The following DKK3 variants were observed in gnomAD, a reference collection of about 807,000 sequenced individuals.
DKK3 encodes dickkopf Wnt signaling pathway inhibitor 3.
A neutral mutation model predicts 33.2 loss-of-function variants in DKK3; 22 were observed. That is an observed-to-expected ratio of 0.66 (90% CI 0.47 to 0.95). The LOEUF (loss-of-function observed/expected upper bound fraction) is 0.95. Among genes scored for constraint, DKK3 ranks in the 40% least tolerant of loss-of-function variants. DKK3 has a pLI of 0.00. For missense variants in DKK3, 398 were observed against 458.4 expected, an observed-to-expected ratio of 0.87 and a Z score of 1.20; for synonymous variants, 194 against 188.8, an observed-to-expected ratio of 1.03 and a Z score of -0.23.
chr11:11,966,468 C>A (rs1048839972), intron 5 of DKK3, among the ~76,000 whole-genome samples: 12 of 152,104 alleles, frequency 7.9e-5, no homozygotes, highest in Non-Finnish European at 5.9e-5. Flanking sequence ...CAAAAAGCAG[C>A]CCTTTAGGAA....
upstream of DKK3, chr11:12,008,969 C>T (rs1226639408): frequency 5.0e-6 from 5 of 1,006,090 alleles, no homozygotes; most frequent in East Asian, 2.0e-4. The surrounding 1 kb of genome is among the most constrained non-coding windows in gnomAD (Gnocchi z 4.6). Context: ...CGGTTCAAAC[C>T]CTAGCCCCTC....
rs1044196636 is a variant in DKK3 at position 12,002,232 on chromosome 11, C to T, written c.351+68G>A. Reference sequence around the variant, plus strand: ...TATATCACATATGAAAAAACAAAAACAAAAAAACCTTAGTTCTCTGATGGG... The same window carrying T: ...TATATCACATATGAAAAAACAAAAATAAAAAAACCTTAGTTCTCTGATGGG... On this transcript the variant is annotated intron_variant, in intron 2 of 6. Transcript: ENST00000683431. 5.2e-5 allele frequency: 77 copies of T among 1,488,680 alleles called. No homozygotes were observed. In the African/African-American group the frequency reaches 9.0e-4, roughly 17 times the overall value. 92.2% of individuals were successfully genotyped at this position (1,488,680 alleles called of 1,614,324 possible).
chr11:11,996,820 G>A (rs1224995584), intron 3 of DKK3, among the ~76,000 whole-genome samples: 1 of 152,224 alleles, frequency 6.6e-6, no homozygotes, highest in Non-Finnish European at 1.5e-5. Flanking sequence ...GCCAAGGTGT[G>A]TCCTCCATCA....
rs114873269 is a variant in DKK3 at position 11,964,597 on chromosome 11, T to C, written c.920A>G (p.Glu307Gly). The change falls in exon 7 of 7, where the codon GAG becomes GGG. Residue 307 changes from glutamate (E) to glycine (G), a missense_variant. Transcript: ENST00000683431. ...CTCCATGAAGCTGCCAACTTCATAC[T>C]CATCGGGGACCTCTCTGGGCAGCAG... ...EILLPREVPD[E>G]YEVGSFMEEV... 11,993 of 1,614,160 alleles carry C rather than the reference T, an allele frequency of 7.4e-3. 175 individuals are homozygous for C. Among genetic ancestry groups the C allele is most frequent in the African/African-American group, 0.056 (4,172 of 75,032 alleles).
chr11:12,009,301 T>C, upstream of DKK3: 1 of 981,900 alleles, frequency 1.0e-6, no homozygotes, highest in Non-Finnish European at 1.2e-6. Flanking sequence ...CGCGGCGGGG[T>C]GCGGCAGCGC....
intron 3 of DKK3, among the ~76,000 whole-genome samples, chr11:11,994,949 C>G (rs1275284333): frequency 6.6e-6 from 1 of 152,214 alleles, no homozygotes; most frequent in Non-Finnish European, 1.5e-5. Flanking sequence ...TCCATGATCA[C>G]TGTCCTCAGT....
intron 3 of DKK3, chr11:11,968,872 T>TGGA (rs1312290644): frequency 6.4e-5 from 10 of 157,168 alleles, no homozygotes; most frequent in African/African-American, 2.4e-4. Context: ...CAGGAAAGGC[T>TGGA]GGAAGACAGG....
chr11:12,005,572 T>C lies in DKK3; in HGVS notation c.213+2798A>G, dbSNP rs1367229348. ...CCCAGATTGAAGCCATTTGAAGATA[T>C]GCTTCTTCCAATAATGACCGTACAA... On this transcript the variant is annotated intron_variant, in intron 1 of 6. Transcript: ENST00000683431. 2.0e-5 allele frequency among the ~76,000 whole-genome samples: 3 copies of C among 152,212 alleles called. No homozygotes were observed. The East Asian group carries it at 5.8e-4, about 29-fold the overall frequency.
At chr11:11,966,851 T>G in intron 5 of DKK3, 103 bp downstream of exon 5, 1 of 1,502,078 alleles carries the variant, frequency 6.7e-7, no homozygotes, top group Non-Finnish European at 9.1e-7. Context: ...ATCCAAGAGG[T>G]GGGACGCGAA....
chr11:11,970,006 G>A lies in DKK3; in HGVS notation c.436-1519C>T, dbSNP rs116731213. Among the ~76,000 whole-genome samples the A allele has an allele frequency of 7.8e-3, 1,186 of 152,332 alleles. 14 individuals carry two copies. The highest frequency in any genetic ancestry group is 0.027 in the African/African-American group (1,123 of 41,578). ...CAGCGGCCAGAGAAGTCCCAACAGGGCTGGGAACAAATCACAGACGCGCTT... is the reference window on the plus strand; with the variant it reads ...CAGCGGCCAGAGAAGTCCCAACAGGACTGGGAACAAATCACAGACGCGCTT... On this transcript the variant is annotated intron_variant, in intron 3 of 6. Coordinates refer to ENST00000683431, the MANE Select transcript of DKK3 (RefSeq NM_001018057.2).
intron 2 of DKK3, among the ~76,000 whole-genome samples, chr11:11,999,621 C>A (rs552523956): frequency 6.6e-6 from 1 of 151,284 alleles, no homozygotes; most frequent in East Asian, 1.9e-4. Context: ...GAGTGAGACT[C>A]CATCTCAAAA....
Position 12,008,316 on chromosome 11 carries a change from C to T in DKK3, c.213+54G>A. On this transcript the variant is annotated intron_variant, in intron 1 of 6. Coordinates refer to ENST00000683431, the MANE Select transcript of DKK3 (RefSeq NM_001018057.2). The surrounding 1 kb of genome is among the most constrained non-coding windows in gnomAD (Gnocchi z 4.6). ...CGCTCTTCCATGCCTTCCCAGACTT[C>T]GCTGCCCCCAGTCTGGCGCTTCTCA... The T allele has an allele frequency of 6.5e-7, 1 of 1,549,748 alleles. No individual in the cohort carries two copies. Among genetic ancestry groups the T allele is most frequent in the Non-Finnish European group, 8.7e-7 (1 of 1,153,664 alleles).
chr11:11,969,206 A>G (rs1247616317), intron 3 of DKK3, among the ~76,000 whole-genome samples: 1 of 152,154 alleles, frequency 6.6e-6, no homozygotes, highest in Non-Finnish European at 1.5e-5. Flanking sequence ...GGGCACTGTG[A>G]CCTGCCATGG....
chr11:11,992,867 T>C (rs1344505827), intron 3 of DKK3, among the ~76,000 whole-genome samples: 1 of 152,194 alleles, frequency 6.6e-6, no homozygotes, highest in Non-Finnish European at 1.5e-5. Context: ...TTTATAGCAA[T>C]GCAAATGATC....
intron 3 of DKK3, among the ~76,000 whole-genome samples, chr11:11,992,087 G>A (rs1463726169): frequency 6.6e-6 from 1 of 152,150 alleles, no homozygotes; most frequent in Non-Finnish European, 1.5e-5. Context: ...GCAAATAAAT[G>A]AATGAATTAA....
At chr11:11,971,311 A>G (rs1847721109) in intron 3 of DKK3, among the ~76,000 whole-genome samples, 1 of 152,256 alleles carries the variant, frequency 6.6e-6, no homozygotes, top group African/African-American at 2.4e-5. Context: ...TGTTCTTTGC[A>G]TAATGATTTC....
intron 3 of DKK3, among the ~76,000 whole-genome samples, chr11:11,974,667 A>C (rs569271186): frequency 6.6e-6 from 1 of 152,340 alleles, no homozygotes; most frequent in South Asian, 2.1e-4. Flanking sequence ...ATTGAATTTC[A>C]ACATGAGTTC....
intron 3 of DKK3, chr11:11,994,813 G>C (rs1848258147): frequency 6.6e-6 from 1 of 152,180 alleles, no homozygotes; most frequent in Non-Finnish European, 1.5e-5. Context: ...TGGGCTTGGA[G>C]GTGATGGGTG....
intron 3 of DKK3, among the ~76,000 whole-genome samples, chr11:11,989,323 G>A (rs778032201): frequency 6.6e-6 from 1 of 152,174 alleles, no homozygotes; most frequent in Non-Finnish European, 1.5e-5. Context: ...AGGGTGCATT[G>A]ACAAATGAAT....
Sources: allele counts gnomAD v4.1 joint callset (sites outside exome capture counted in the v4.1 genomes callset), GRCh38; gene constraint gnomAD v4.1.1; non-coding constraint Gnocchi (gnomAD v3.1); transcripts MANE v1.5; gene names NCBI Gene and HGNC (gene_info 2026-07-23, HGNC 2026-07-21).